The following PCCA variants were observed in gnomAD, a reference collection of about 807,000 sequenced individuals.
PCCA encodes the protein propionyl-CoA carboxylase alpha chain, mitochondrial.
In PCCA, 74 loss-of-function variants were observed where a neutral mutation model predicts 101.3. The ratio of observed to expected loss-of-function variants is 0.73; its 90% CI spans 0.61 to 0.89. PCCA has a LOEUF of 0.89. Ranked by LOEUF, PCCA falls within the 40% of genes least tolerant of loss-of-function variation. PCCA has a pLI of 0.00. For missense variants in PCCA, 891 were observed against 907.0 expected, an observed-to-expected ratio of 0.98 and a Z score of 0.23; for synonymous variants, 294 against 313.6, an observed-to-expected ratio of 0.94 and a Z score of 0.66.
chr13:100,100,715 T>C (rs1432931307), intron 1 of PCCA, among the ~76,000 whole-genome samples: 1 of 152,164 alleles, frequency 6.6e-6, no homozygotes, highest in Non-Finnish European at 1.5e-5. Context: ...CAGTTCAGAC[T>C]TGTCGTGGGA....
chr13:100,161,313 A>G (rs1456324395), intron 6 of PCCA: 1 of 152,206 alleles, frequency 6.6e-6, no homozygotes, highest in African/African-American at 2.4e-5. Flanking sequence ...AATTTAAAAC[A>G]TCTATATGTT....
At chr13:100,372,854 C>T (rs1382801133) in intron 19 of PCCA, among the ~76,000 whole-genome samples, 1 of 152,190 alleles carries the variant, frequency 6.6e-6, no homozygotes, top group Non-Finnish European at 1.5e-5. Context: ...ATTCTTCTGC[C>T]TCAGCCTCCC....
At chr13:100,201,451 G>A (rs1566692986) in intron 6 of PCCA, among the ~76,000 whole-genome samples, 3 of 152,074 alleles carry the variant, frequency 2.0e-5, no homozygotes, top group Non-Finnish European at 4.4e-5. Context: ...TGGTGGCTAC[G>A]TTTCAGTTTC....
intron 21 of PCCA, among the ~76,000 whole-genome samples, chr13:100,508,808 CTTGGGGTGGGGGG>C (rs1473925435): frequency 6.6e-6 from 1 of 152,088 alleles, no homozygotes; most frequent in African/African-American, 2.4e-5. Flanking sequence ...TGCCTTAATG[CTTGGGGTGGGGGG>C]TTCAGGCTAT....
intron 2 of PCCA, among the ~76,000 whole-genome samples, chr13:100,109,579 C>CAG (rs2048116957): frequency 6.6e-6 from 1 of 152,156 alleles, no homozygotes; most frequent in African/African-American, 2.4e-5. Context: ...ATTGTGTTCT[C>CAG]AGGATATGCT....
chr13:100,174,499 AGGC>A (rs1038464499), intron 6 of PCCA, among the ~76,000 whole-genome samples: 18 of 149,590 alleles, frequency 1.2e-4, no homozygotes, highest in Non-Finnish European at 2.1e-4. Context: ...AGGCCAAATC[AGGC>A]AGATCACTTG....
chr13:100,456,528 G>T (rs2081729628), intron 21 of PCCA, among the ~76,000 whole-genome samples: 1 of 152,150 alleles, frequency 6.6e-6, no homozygotes. Context: ...GCCCCGAACG[G>T]CTGGGCGCGC....
At chr13:100,143,833 C>T (rs972361591) in intron 4 of PCCA, among the ~76,000 whole-genome samples, 8 of 152,088 alleles carry the variant, frequency 5.3e-5, no homozygotes, top group Non-Finnish European at 1.0e-4. Flanking sequence ...TAGCTCACTG[C>T]AACTTCCAAC....
intron 8 of PCCA, among the ~76,000 whole-genome samples, chr13:100,239,723 A>G (rs886434803): frequency 1.3e-5 from 2 of 152,208 alleles, no homozygotes; most frequent in Non-Finnish European, 2.9e-5. Context: ...TCTTGAAAGG[A>G]AAATAAATTG....
intron 12 of PCCA, among the ~76,000 whole-genome samples, chr13:100,298,672 CTCCTTCCTTCCTTCCTTCCTTCCT>C (rs1162874306): frequency 1.9e-3 from 6 of 3,108 alleles, no homozygotes; most frequent in Admixed American, 6.1e-3. Flanking sequence ...CCCTCCCTCC[CTCCTTCCTTCCTTCCTTCCTTCCT>C]TCCTTCCTTC....
intron 21 of PCCA, among the ~76,000 whole-genome samples, chr13:100,512,861 C>T (rs959021910): frequency 2.0e-5 from 3 of 152,234 alleles, no homozygotes; most frequent in Admixed American, 6.5e-5. Context: ...ACGGTGAAAC[C>T]GAGCTTGTAC....
intron 8 of PCCA, among the ~76,000 whole-genome samples, chr13:100,247,452 A>G (rs1382951455): frequency 1.3e-5 from 2 of 148,852 alleles, no homozygotes; most frequent in Admixed American, 6.7e-5. Context: ...TCCTGAGCTC[A>G]TGATCTGCCC....
intron 18 of PCCA, among the ~76,000 whole-genome samples, chr13:100,341,965 A>ATG: frequency 9.1e-6 from 1 of 109,728 alleles, no homozygotes; most frequent in South Asian, 2.5e-4. Flanking sequence ...AAGTATATAT[A>ATG]TATATATATA....
intron 6 of PCCA, among the ~76,000 whole-genome samples, chr13:100,201,307 A>G (rs896446135): frequency 6.6e-6 from 1 of 152,120 alleles, no homozygotes; most frequent in Non-Finnish European, 1.5e-5. Context: ...TCTCTAGTAC[A>G]GGAGTGGGCA....
intron 19 of PCCA, among the ~76,000 whole-genome samples, chr13:100,378,591 C>T (rs1396523678): frequency 6.6e-6 from 1 of 151,832 alleles, no homozygotes; most frequent in Non-Finnish European, 1.5e-5. Flanking sequence ...TTTATTGTGT[C>T]CCATATATCA....
chr13:100,501,519 G>A (rs1273573863), intron 21 of PCCA, among the ~76,000 whole-genome samples: 1 of 152,302 alleles, frequency 6.6e-6, no homozygotes, highest in Non-Finnish European at 1.5e-5. Context: ...AAGGCCTTCT[G>A]TTCACCCACA....
chr13:100,318,018 C>T (rs139032381), intron 16 of PCCA, among the ~76,000 whole-genome samples: 2 of 152,250 alleles, frequency 1.3e-5, no homozygotes, highest in African/African-American at 2.4e-5. Context: ...AGCATATCTC[C>T]GCAATTGTCC....
At chr13:100,250,547 C>T (rs1200243938) in intron 8 of PCCA, among the ~76,000 whole-genome samples, 1 of 151,450 alleles carries the variant, frequency 6.6e-6, no homozygotes, top group Non-Finnish European at 1.5e-5. Context: ...AATCATTTTA[C>T]CTGTTTGTAA....
At chr13:100,486,974 G>C (rs943285470) in intron 21 of PCCA, among the ~76,000 whole-genome samples, 1 of 152,150 alleles carries the variant, frequency 6.6e-6, no homozygotes, top group African/African-American at 2.4e-5. Context: ...ACTAGTAATA[G>C]TTGCCGAACT....
Sources: gnomAD v4.1 joint callset for allele counts (sites outside exome capture counted in the v4.1 genomes callset) on GRCh38, gnomAD v4.1.1 for gene constraint, MANE v1.5 for transcripts, NCBI Gene and HGNC (gene_info 2026-07-23, HGNC 2026-07-21) for gene names.